GRM7: variants seen among roughly 807,000 people sequenced by gnomAD.
GRM7 encodes glutamate metabotropic receptor 7.
A neutral mutation model predicts 84.5 loss-of-function variants in GRM7; 35 were observed. The ratio of observed to expected loss-of-function variants is 0.41; its 90% CI spans 0.32 to 0.55. GRM7 has a LOEUF of 0.55. Ranked by LOEUF, GRM7 falls within the 20% of genes least tolerant of loss-of-function variation. The pLI is 0.19. For missense variants in GRM7, 1,003 were observed against 1,194.6 expected, an observed-to-expected ratio of 0.84 and a Z score of 2.36; for synonymous variants, 487 against 455.1, an observed-to-expected ratio of 1.07 and a Z score of -0.89.
chr3:7,610,957 G>T (rs1183283696), intron 8 of GRM7, among the ~76,000 whole-genome samples: 1 of 151,840 alleles, frequency 6.6e-6, no homozygotes, highest in African/African-American at 2.4e-5. Context: ...TATTTTTTTT[G>T]GTTCCCTAGG....
intron 4 of GRM7, among the ~76,000 whole-genome samples, chr3:7,360,009 G>T (rs576232407): frequency 6.7e-6 from 1 of 148,246 alleles, no homozygotes; most frequent in South Asian, 2.1e-4. Context: ...GTTTGCTATT[G>T]ATAGAGAAAT....
At chr3:7,379,954 T>G (rs559954723) in intron 4 of GRM7, among the ~76,000 whole-genome samples, 1 of 152,298 alleles carries the variant, frequency 6.6e-6, no homozygotes, top group Non-Finnish European at 1.5e-5. Flanking sequence ...TCTCCAAACC[T>G]TCTTACTACC....
intron 4 of GRM7, among the ~76,000 whole-genome samples, chr3:7,330,963 T>C (rs1478726921): frequency 2.0e-5 from 3 of 152,172 alleles, no homozygotes; most frequent in African/African-American, 7.2e-5. Context: ...GAGAGGCATC[T>C]CATGAACACC....
chr3:7,361,151 C>G (rs1200528447), intron 4 of GRM7, among the ~76,000 whole-genome samples: 1 of 152,058 alleles, frequency 6.6e-6, no homozygotes, highest in African/African-American at 2.4e-5. Context: ...GATTTATTGT[C>G]TGTCTTCTGG....
At chr3:7,487,202 T>C (rs1699353359) in intron 7 of GRM7, among the ~76,000 whole-genome samples, 1 of 152,178 alleles carries the variant, frequency 6.6e-6, no homozygotes, top group African/African-American at 2.4e-5. Flanking sequence ...TGGCTACTTT[T>C]GGCTGCTTAA....
intron 1 of GRM7, among the ~76,000 whole-genome samples, chr3:7,142,234 A>C (rs533791467): frequency 2.6e-4 from 39 of 152,262 alleles, no homozygotes; most frequent in African/African-American, 9.1e-4. Context: ...TATTTTAATA[A>C]TAAATAATAT....
chr3:7,708,693 A>T (rs1559499806), intron 9 of GRM7, among the ~76,000 whole-genome samples: 2 of 152,104 alleles, frequency 1.3e-5, no homozygotes. Context: ...TAGAGGTTGG[A>T]AACCAGTCAC....
chr3:7,282,130 A>G (rs1222133809), intron 2 of GRM7, among the ~76,000 whole-genome samples: 1 of 152,186 alleles, frequency 6.6e-6, no homozygotes, highest in Non-Finnish European at 1.5e-5. Context: ...TATGCACATT[A>G]CAATCTCAGA....
At chr3:7,299,992 T>A (rs996853023) in intron 3 of GRM7, among the ~76,000 whole-genome samples, 8 of 151,308 alleles carry the variant, frequency 5.3e-5, no homozygotes, top group Non-Finnish European at 1.2e-4. Context: ...ATACTTTTTA[T>A]ATATATTATA....
intron 1 of GRM7, among the ~76,000 whole-genome samples, chr3:6,869,041 G>A (rs1695028359): frequency 6.6e-6 from 1 of 151,990 alleles, no homozygotes; most frequent in Admixed American, 6.6e-5. Flanking sequence ...TTTTTAAAGG[G>A]CTCTTTAAAC....
At chr3:7,183,009 A>C (rs1328142035) in intron 2 of GRM7, among the ~76,000 whole-genome samples, 1 of 151,826 alleles carries the variant, frequency 6.6e-6, no homozygotes, top group Non-Finnish European at 1.5e-5. Context: ...TACAGATAGA[A>C]TAGCATAGTG....
In GRM7 at chr3:7,175,524, C is replaced by T. The variant is rs116637452; in HGVS notation, c.736+28856C>T. Among the ~76,000 whole-genome samples, 206 of 152,270 alleles carry T rather than the reference C, an allele frequency of 1.4e-3. 3 individuals are homozygous for T. The highest frequency in any genetic ancestry group is 4.9e-3 in the African/African-American group (204 of 41,566). On this transcript the variant is annotated intron_variant, in intron 2 of 9. Coordinates refer to ENST00000357716, the MANE Select transcript of GRM7 (RefSeq NM_000844.4). The stretch of plus-strand genomic sequence containing the variant: ...AATGATGAGTAACAACTTGAATCAA[C>T]TTGAAAATTTGCTTTTTGTTTTGTC...
intron 7 of GRM7, among the ~76,000 whole-genome samples, chr3:7,466,574 G>C (rs1302954054): frequency 6.6e-6 from 1 of 152,114 alleles, no homozygotes; most frequent in Non-Finnish European, 1.5e-5. Flanking sequence ...TCTGAAATTA[G>C]GAAGTTCAGA....
rs556804829 is a variant in GRM7 at position 7,533,944 on chromosome 3, T to A, written c.1516-44478T>A. The stretch of plus-strand genomic sequence containing the variant: ...GTTATGTTGTACATTTTTACCATGC[T>A]CATACAGCAAACCAACTAGTGATTT... On this transcript the variant is annotated intron_variant, in intron 7 of 9. Transcript: ENST00000357716. Among the ~76,000 whole-genome samples the A allele has an allele frequency of 2.0e-5, 3 of 152,070 alleles. No individual in the cohort carries two copies. The South Asian group carries it at 6.2e-4, about 32-fold the overall frequency.
intron 1 of GRM7, among the ~76,000 whole-genome samples, chr3:7,043,090 A>T (rs922780207): frequency 1.3e-5 from 2 of 152,158 alleles, no homozygotes; most frequent in African/African-American, 2.4e-5. Context: ...GAGGTTTTCC[A>T]CTTCGGCTAC....
intron 5 of GRM7, among the ~76,000 whole-genome samples, chr3:7,431,402 C>T (rs1444391310): frequency 1.3e-5 from 2 of 151,942 alleles, no homozygotes; most frequent in Admixed American, 1.3e-4. Context: ...ATAGTTCCTT[C>T]TTAGTGGGGG....
intron 4 of GRM7, among the ~76,000 whole-genome samples, chr3:7,393,150 T>C (rs1211009845): frequency 6.6e-6 from 1 of 152,116 alleles, no homozygotes; most frequent in African/African-American, 2.4e-5. Context: ...GCAAGTACCC[T>C]CCCAGGAACG....
chr3:7,351,624 T>C (rs1693152612), intron 4 of GRM7, among the ~76,000 whole-genome samples: 1 of 152,106 alleles, frequency 6.6e-6, no homozygotes, highest in Non-Finnish European at 1.5e-5. Context: ...TCCTATGGGC[T>C]GTGGATATGG....
chr3:7,141,801 C>A (rs1487282354), intron 1 of GRM7, among the ~76,000 whole-genome samples: 2 of 150,756 alleles, frequency 1.3e-5, no homozygotes, highest in African/African-American at 2.4e-5. Context: ...TAATATAGAA[C>A]AAAAGATGTT....
Sources: gnomAD v4.1 joint callset for allele counts (sites outside exome capture counted in the v4.1 genomes callset) on GRCh38, gnomAD v4.1.1 for gene constraint, MANE v1.5 for transcripts, NCBI Gene and HGNC (gene_info 2026-07-23, HGNC 2026-07-21) for gene names.